The following GNAT3 variants were observed in gnomAD, a reference collection of about 807,000 sequenced individuals.
GNAT3 encodes guanine nucleotide-binding protein G(t) subunit alpha-3.
GNAT3 carries 31 observed loss-of-function variants against 37.7 expected under a neutral mutation model. That is an observed-to-expected ratio of 0.82 (90% CI 0.62 to 1.11). The LOEUF (loss-of-function observed/expected upper bound fraction) is 1.11. GNAT3 is among the 50% of genes most tolerant of loss of function. The pLI, the probability that GNAT3 is intolerant of heterozygous loss-of-function variation, is 0.00. For missense variants in GNAT3, 437 were observed against 412.5 expected, an observed-to-expected ratio of 1.06 and a Z score of -0.51; for synonymous variants, 138 against 139.8, an observed-to-expected ratio of 0.99 and a Z score of 0.09.
intron 5 of GNAT3, among the ~76,000 whole-genome samples, chr7:80,463,235 A>C: frequency 6.6e-6 from 1 of 152,180 alleles, no homozygotes; most frequent in East Asian, 1.9e-4. Flanking sequence ...ATGTGAGCAT[A>C]CAGAAAGACT....
chr7:80,508,527 T>A (rs900247768), intron 1 of GNAT3, among the ~76,000 whole-genome samples: 3 of 152,088 alleles, frequency 2.0e-5, no homozygotes, highest in African/African-American at 7.2e-5. Flanking sequence ...TTCTGGAATA[T>A]CTTTGCAAGT....
In GNAT3 at chr7:80,462,309, T is replaced by C. The variant is rs750875894; in HGVS notation, c.724A>G (p.Arg242Gly). Residue 242 changes from arginine (R) to glycine (G), a missense_variant, in exon 7 of 8, where the codon AGA becomes GGA. By Grantham distance (125) the Arg-to-Gly change is moderately radical (BLOSUM62 -2). Coordinates refer to ENST00000398291, the MANE Select transcript of GNAT3 (RefSeq NM_001102386.3). ...AACAGGTGAAGGCTTTCATGCATTC[T>C]ATTCTGTTAGGTATCAGAAATGAGA... ...MVLVEDEEVN[R>G]MHESLHLFNS... The C allele has an allele frequency of 1.2e-6, 2 of 1,612,054 alleles. No homozygotes were observed. The highest frequency in any genetic ancestry group is 1.7e-6 in the Non-Finnish European group (2 of 1,178,672).
chr7:80,462,786 A>G (rs1033027214), intron 5 of GNAT3, among the ~76,000 whole-genome samples, 155 bp from the exon 6 acceptor site: 1 of 152,214 alleles, frequency 6.6e-6, no homozygotes, highest in Non-Finnish European at 1.5e-5. Context: ...ATTTGGTCAA[A>G]TGGCTGCTCA....
Position 80,479,812 on chromosome 7 carries a change from C to T in GNAT3, c.304-814G>A, listed in dbSNP as rs114582478. Reference sequence around the variant, plus strand: ...TTAATATATAATGTTTTTTTGTCATCGGGTTACTGCCTCGTAATCATATAA... The same window carrying T: ...TTAATATATAATGTTTTTTTGTCATTGGGTTACTGCCTCGTAATCATATAA... On this transcript the variant is annotated intron_variant, in intron 3 of 7. Coordinates refer to ENST00000398291, the MANE Select transcript of GNAT3 (RefSeq NM_001102386.3). Among the ~76,000 whole-genome samples, 404 of 150,352 alleles carry T rather than the reference C, an allele frequency of 2.7e-3. 3 individuals are homozygous for T. Among genetic ancestry groups the T allele is most frequent in the African/African-American group, 8.6e-3 (352 of 40,936 alleles).
chr7:80,460,193 C>T (rs998656787), intron 7 of GNAT3, among the ~76,000 whole-genome samples: 10 of 126,228 alleles, frequency 7.9e-5, no homozygotes, highest in African/African-American at 3.0e-4. Flanking sequence ...AACTTAAATG[C>T]ATATTGCAAA....
At chr7:80,475,287 C>G (rs1431895203) in intron 4 of GNAT3, among the ~76,000 whole-genome samples, 1 of 149,476 alleles carries the variant, frequency 6.7e-6, no homozygotes, top group East Asian at 2.0e-4. Context: ...TATGCTATAA[C>G]AGTCTGCTAA....
At chr7:80,488,034 G>C (rs1790521560) in intron 3 of GNAT3, among the ~76,000 whole-genome samples, 1 of 151,920 alleles carries the variant, frequency 6.6e-6, no homozygotes, top group African/African-American at 2.4e-5. Flanking sequence ...TTGATATACA[G>C]ACATTTGCTT....
intron 4 of GNAT3, among the ~76,000 whole-genome samples, chr7:80,477,751 G>A (rs557834616): frequency 6.6e-5 from 10 of 152,174 alleles, no homozygotes; most frequent in Admixed American, 5.2e-4. Context: ...TTCTGTTGGC[G>A]GGGAGAGGGG....
rs1053236655 is a variant in GNAT3 at position 80,511,295 on chromosome 7, C to T, written c.118+514G>A. 6.6e-5 allele frequency among the ~76,000 whole-genome samples: 10 copies of T among 152,140 alleles called. No homozygotes were observed. The East Asian group carries it at 1.7e-3, about 26-fold the overall frequency. ...AATATTGCAGGCAGTATTCAGGAGC[C>T]TAAGTAATATTGTTAATATAATTTA... On this transcript the variant is annotated intron_variant, in intron 1 of 7. Coordinates refer to ENST00000398291, the MANE Select transcript of GNAT3 (RefSeq NM_001102386.3).
At position 80,488,249 on chromosome 7, in the gene GNAT3, T is replaced by C. The variant is rs915500944; in HGVS notation, c.303+286A>G. Reference sequence around the variant, plus strand: ...GTTTATGCCATAAATTCTTTTGTATTTAGCAATCACAAGCAATATTTTTAT... The same window carrying C: ...GTTTATGCCATAAATTCTTTTGTATCTAGCAATCACAAGCAATATTTTTAT... On this transcript the variant is annotated intron_variant, in intron 3 of 7. Coordinates refer to ENST00000398291, the MANE Select transcript of GNAT3 (RefSeq NM_001102386.3). Among the ~76,000 whole-genome samples, 4 of 152,158 alleles carry C rather than the reference T, an allele frequency of 2.6e-5. 1 individual carries two copies. Among genetic ancestry groups the C allele is most frequent in the Non-Finnish European group, 4.4e-5 (3 of 68,022 alleles).
intron 1 of GNAT3, among the ~76,000 whole-genome samples, chr7:80,501,170 A>T (rs1790825927): frequency 6.6e-6 from 1 of 152,094 alleles, no homozygotes; most frequent in Admixed American, 6.6e-5. Flanking sequence ...TTTGCCAAAA[A>T]AACACATTGT....
intron 1 of GNAT3, among the ~76,000 whole-genome samples, chr7:80,508,463 C>G (rs1008633844): frequency 2.0e-5 from 3 of 151,920 alleles, no homozygotes; most frequent in African/African-American, 7.2e-5. Context: ...TACTTAGATA[C>G]AAATGAGAAT....
At chr7:80,496,890 T>C (rs368129454) in intron 1 of GNAT3, among the ~76,000 whole-genome samples, 44 of 152,166 alleles carry the variant, frequency 2.9e-4, no homozygotes, top group South Asian at 2.1e-3. Flanking sequence ...TGTAAATATA[T>C]CTAGTTTCTG....
intron 1 of GNAT3, among the ~76,000 whole-genome samples, chr7:80,510,135 C>T (rs1009936838): frequency 6.6e-6 from 1 of 152,018 alleles, no homozygotes; most frequent in Non-Finnish European, 1.5e-5. Flanking sequence ...CCCCTTGTTC[C>T]CCCCAACCAC....
chr7:80,495,310 T>C (rs1403541775), intron 1 of GNAT3, among the ~76,000 whole-genome samples: 4 of 152,164 alleles, frequency 2.6e-5, no homozygotes, highest in Non-Finnish European at 5.9e-5. Flanking sequence ...TCCATACTAT[T>C]TTTTCATAGA....
intron 4 of GNAT3, among the ~76,000 whole-genome samples, chr7:80,475,662 C>T (rs543936768): frequency 2.6e-5 from 4 of 151,946 alleles, no homozygotes; most frequent in Middle Eastern, 3.4e-3. Flanking sequence ...GAAGCTGTTA[C>T]GCCTTAGCAC....
Position 80,462,241 on chromosome 7 carries a change from A to C in GNAT3, c.792T>G (p.Ile264Met). ...TATCTTTTTTGTTGAGGAACAGGACAATGGAGGTTGTTGAAAAATACTTGT... is the reference window on the plus strand; with the variant it reads ...TATCTTTTTTGTTGAGGAACAGGACCATGGAGGTTGTTGAAAAATACTTGT... ...CNHKYFSTTS[I>M]VLFLNKKDIF... Residue 264 changes from isoleucine (I) to methionine (M), a missense_variant, in exon 7 of 8, where the codon ATT becomes ATG. Coordinates refer to ENST00000398291, the MANE Select transcript of GNAT3 (RefSeq NM_001102386.3). 6.2e-7 allele frequency: 1 copy of C among 1,611,538 alleles called. No homozygotes were observed. Among genetic ancestry groups the C allele is most frequent in the Non-Finnish European group, 8.5e-7 (1 of 1,178,182 alleles).
chr7:80,484,817 C>T (rs1482501825), intron 3 of GNAT3, among the ~76,000 whole-genome samples: 2 of 151,956 alleles, frequency 1.3e-5, no homozygotes, highest in South Asian at 2.1e-4. Flanking sequence ...AGCTGCTTCC[C>T]CTCTAACTAC....
intron 5 of GNAT3, among the ~76,000 whole-genome samples, chr7:80,473,603 T>C (rs1790254882): frequency 6.6e-6 from 1 of 152,126 alleles, no homozygotes; most frequent in African/African-American, 2.4e-5. Context: ...CCACAATCCA[T>C]ACAAAAAGGT....
Sources: allele counts gnomAD v4.1 joint callset (sites outside exome capture counted in the v4.1 genomes callset), GRCh38; gene constraint gnomAD v4.1.1; transcripts MANE v1.5; gene names NCBI Gene and HGNC (gene_info 2026-07-23, HGNC 2026-07-21).